RYR2: variants seen among roughly 807,000 people sequenced by gnomAD.
RYR2 encodes cardiac muscle ryanodine receptor-calcium release channel.
RYR2 carries 227 observed loss-of-function variants against 601.1 expected under a neutral mutation model. The observed-to-expected ratio is 0.38, with a 90% CI of 0.34 to 0.42. The LOEUF is 0.42. RYR2 is among the 10% of genes least tolerant of loss of function. The pLI is 1.00. For synonymous variants in RYR2, 2,223 were observed against 2,175.1 expected (o/e 1.02, Z -0.61); for missense variants, 4,646 against 6,156.5 (o/e 0.75, Z 8.21).
Position 237,570,310 on chromosome 1 carries a change from A to G in RYR2, c.3598+991A>G, listed in dbSNP as rs137966438. ...CCCAATTTGGTGGCCTTGGCCACAC[A>G]GGGCTGTTTATATTTAAGTTAGTTT... On this transcript the variant is annotated intron_variant, in intron 29 of 104. Coordinates refer to ENST00000366574, the MANE Select transcript of RYR2 (RefSeq NM_001035.3). Among the ~76,000 whole-genome samples the G allele has an allele frequency of 1.7e-4, 26 of 151,204 alleles. No homozygotes were observed. In the East Asian group the frequency reaches 4.7e-3, roughly 27 times the overall value.
At chr1:237,404,313 G>A (rs906275343) in intron 10 of RYR2, among the ~76,000 whole-genome samples, 7 of 152,128 alleles carry the variant, frequency 4.6e-5, no homozygotes, top group Non-Finnish European at 8.8e-5. Flanking sequence ...ATGAGTCAAG[G>A]GGAAAGTAAC....
intron 1 of RYR2, among the ~76,000 whole-genome samples, chr1:237,056,101 G>A (rs968972117): frequency 7.3e-5 from 11 of 149,902 alleles, no homozygotes; most frequent in Non-Finnish European, 1.5e-4. Context: ...CTGGAGCATT[G>A]CATCTGTGAG....
Position 237,361,378 on chromosome 1 carries a change from G to A in RYR2, c.295-2980G>A, listed in dbSNP as rs1002836732. Reference sequence around the variant, plus strand: ...ATTTCCTCACAAAGGAGAGGTTACCGGTTGGAGACTTATGGAGAATCCTAG... The same window carrying A: ...ATTTCCTCACAAAGGAGAGGTTACCAGTTGGAGACTTATGGAGAATCCTAG... On this transcript the variant is annotated intron_variant, in intron 4 of 104. Transcript: ENST00000366574. Among the ~76,000 whole-genome samples the A allele has an allele frequency of 3.9e-5, 6 of 152,228 alleles. No individual in the cohort carries two copies. The East Asian group carries it at 1.2e-3, about 29-fold the overall frequency.
At chr1:237,433,035 G>GT (rs1491413997) in intron 12 of RYR2, among the ~76,000 whole-genome samples, 78 of 85,996 alleles carry the variant, frequency 9.1e-4, no homozygotes, top group African/African-American at 4.3e-3. Context: ...GACTGTGTGT[G>GT]GGGGGGGGTA....
In RYR2 at chr1:237,784,492, T is replaced by C. The variant is rs747941271; in HGVS notation, c.12780T>C (p.Ser4260=). Residue 4260 remains serine (S), a synonymous_variant, in exon 90 of 105, where the codon AGT becomes AGC. Coordinates refer to ENST00000366574, the MANE Select transcript of RYR2 (RefSeq NM_001035.3). The surrounding 1 kb of genome is among the most constrained non-coding windows in gnomAD (Gnocchi z 7.1). Reference sequence around the variant, plus strand: ...TCTTGACCCTTATGCGAATGCTCAGTCTGAAGAGCCTGAAGAAGCAGATGA... The same window carrying C: ...TCTTGACCCTTATGCGAATGCTCAGCCTGAAGAGCCTGAAGAAGCAGATGA... The part of the protein sequence containing the change: ...YNILTLMRML[S]LKSLKKQMKK... 2.5e-6 allele frequency: 4 copies of C among 1,613,512 alleles called. No homozygotes were observed. The highest frequency in any genetic ancestry group is 3.4e-6 in the Non-Finnish European group (4 of 1,179,690).
chr1:237,586,946 T>C (rs1336336740), intron 29 of RYR2, among the ~76,000 whole-genome samples: 2 of 152,058 alleles, frequency 1.3e-5, no homozygotes, highest in Non-Finnish European at 2.9e-5. Context: ...CTTGAACTTG[T>C]GGCCTCAAGT....
chr1:237,465,953 A>G (rs1660043070), intron 16 of RYR2, among the ~76,000 whole-genome samples: 1 of 152,226 alleles, frequency 6.6e-6, no homozygotes, highest in African/African-American at 2.4e-5. Context: ...GAAGTAGTGT[A>G]GAAATTACTT....
chr1:237,251,793 C>T (rs1687489520), intron 1 of RYR2, among the ~76,000 whole-genome samples: 1 of 152,196 alleles, frequency 6.6e-6, no homozygotes. Flanking sequence ...AAACCTAACT[C>T]ATCTGAAGTT....
At chr1:237,270,992 A>G (rs1331134812) in intron 2 of RYR2, among the ~76,000 whole-genome samples, 1 of 152,192 alleles carries the variant, frequency 6.6e-6, no homozygotes, top group African/African-American at 2.4e-5. Context: ...TAGACTTTCA[A>G]TTTTCCATAT....
At chr1:237,250,324 T>C (rs1365825779) in intron 1 of RYR2, among the ~76,000 whole-genome samples, 2 of 152,202 alleles carry the variant, frequency 1.3e-5, no homozygotes, top group Non-Finnish European at 2.9e-5. Context: ...AGTGCCCTTG[T>C]TGCCAACATT....
chr1:237,654,333 A>G lies in RYR2; in HGVS notation c.7884A>G (p.Gly2628=). The G allele has an allele frequency of 6.2e-7, 1 of 1,613,926 alleles. No individual in the cohort carries two copies. Among genetic ancestry groups the G allele is most frequent in the Non-Finnish European group, 8.5e-7 (1 of 1,179,862 alleles). ...ATTACTGCCTGCCTGGAGGGTGGGG[A>G]AACTTTGGTGCTGCCTCAGAAGAAG... ...WKYYCLPGGW[G]NFGAASEEEL... is the part of the protein sequence containing the mutation. Residue 2628 remains glycine (G), a synonymous_variant, in exon 52 of 105, where the codon GGA becomes GGG. Transcript: ENST00000366574.
chr1:237,597,530 T>G (rs1437603741), intron 34 of RYR2, among the ~76,000 whole-genome samples: 1 of 151,814 alleles, frequency 6.6e-6, no homozygotes, highest in Non-Finnish European at 1.5e-5. Flanking sequence ...TCCGCTCACC[T>G]CGGCCTCCCA....
At chr1:237,191,417 G>GT (rs1373559693) in intron 1 of RYR2, among the ~76,000 whole-genome samples, 2 of 117,282 alleles carry the variant, frequency 1.7e-5, no homozygotes, top group Non-Finnish European at 4.2e-5. Flanking sequence ...GAATTTTATG[G>GT]GTTTTTTTTT....
chr1:237,375,902 C>T (rs1700996022), intron 7 of RYR2, among the ~76,000 whole-genome samples: 1 of 152,194 alleles, frequency 6.6e-6, no homozygotes, highest in South Asian at 2.1e-4. Flanking sequence ...CAAAACAAAA[C>T]AAGTCAGTGT....
chr1:237,743,948 G>A (rs956296414), intron 80 of RYR2, among the ~76,000 whole-genome samples: 5 of 152,148 alleles, frequency 3.3e-5, no homozygotes, highest in African/African-American at 1.2e-4. Context: ...TCGGTGCAAT[G>A]TTCTGACCTT....
chr1:237,645,547 G>A (rs1682034317), intron 48 of RYR2, among the ~76,000 whole-genome samples: 1 of 152,156 alleles, frequency 6.6e-6, no homozygotes, highest in Non-Finnish European at 1.5e-5. Context: ...ATTAAATTTT[G>A]TAATAACATA....
Position 237,742,290 on chromosome 1 carries a change from A to G in RYR2, c.11092-6A>G. ...GTCTCCTTTTTTTTTTTTTTTAAAT[A>G]TACAGAGTTGTCATGATGAGGAAGA... is the stretch of plus-strand genomic sequence containing the variant. On this transcript the variant is annotated splice_region_variant and splice_polypyrimidine_tract_variant and intron_variant, in intron 79 of 104. Coordinates refer to ENST00000366574, the MANE Select transcript of RYR2 (RefSeq NM_001035.3). 6.6e-7 allele frequency: 1 copy of G among 1,516,422 alleles called. No individual in the cohort carries two copies. The highest frequency in any genetic ancestry group is 8.9e-7 in the Non-Finnish European group (1 of 1,127,808). 93.9% of individuals were successfully genotyped at this position (1,516,422 alleles called of 1,614,324 possible).
chr1:237,413,548 G>A (rs552461705), intron 10 of RYR2, among the ~76,000 whole-genome samples: 1 of 152,160 alleles, frequency 6.6e-6, no homozygotes, highest in Non-Finnish European at 1.5e-5. Context: ...TTTTAAAAAT[G>A]TTTTGAACTT....
chr1:237,242,198 T>TTTTGTTTG (rs55825600), intron 1 of RYR2, among the ~76,000 whole-genome samples: 1 of 150,496 alleles, frequency 6.6e-6, no homozygotes, highest in African/African-American at 2.5e-5. Context: ...TCACTGTTTT[T>TTTTGTTTG]TTTGTTTGTT....
Sources: gnomAD v4.1 joint callset for allele counts (sites outside exome capture counted in the v4.1 genomes callset) on GRCh38, gnomAD v4.1.1 for gene constraint, Gnocchi (gnomAD v3.1) non-coding constraint, MANE v1.5 for transcripts, NCBI Gene and HGNC (gene_info 2026-07-23, HGNC 2026-07-21) for gene names.